The following DNAH11 variants were observed in gnomAD, a reference collection of about 807,000 sequenced individuals.
DNAH11 encodes axonemal beta dynein heavy chain 11.
DNAH11 carries 442 observed loss-of-function variants against 526.0 expected under a neutral mutation model. That is an observed-to-expected ratio of 0.84 (90% CI 0.78 to 0.91). The LOEUF is 0.91. Ranked by LOEUF, DNAH11 falls within the 40% of genes least tolerant of loss-of-function variation. DNAH11 has a pLI of 0.00. For synonymous variants in DNAH11, 2,461 were observed against 1,935.9 expected (o/e 1.27, Z -7.12); for missense variants, 6,989 against 5,448.7 (o/e 1.28, Z -8.90).
At chr7:21,546,979 C>G (rs970629893) in intron 2 of DNAH11, among the ~76,000 whole-genome samples, 1 of 152,184 alleles carries the variant, frequency 6.6e-6, no homozygotes, top group Non-Finnish European at 1.5e-5. Context: ...CACACTTGCT[C>G]TTTTATCTAT....
chr7:21,781,747 T>A (rs1382050298), intron 57 of DNAH11, among the ~76,000 whole-genome samples: 1 of 152,168 alleles, frequency 6.6e-6, no homozygotes, highest in African/African-American at 2.4e-5. Context: ...AAGGCTGCCA[T>A]GACAAAAATA....
chr7:21,891,539 C>G (rs1583817408), intron 76 of DNAH11, among the ~76,000 whole-genome samples: 1 of 152,160 alleles, frequency 6.6e-6, no homozygotes, highest in African/African-American at 2.4e-5. Context: ...GAGACTCAGG[C>G]TCATAAATTC....
In DNAH11 at chr7:21,789,800, TC is replaced by T. The variant is rs1366237370; in HGVS notation, c.10026+459del. The stretch of plus-strand genomic sequence containing the variant: ...TTCTTTCTTTCTTTCTTTCTTTCTT[TC>T]TTTCTTTTTTCTTTCTTTCTTTCTT... On this transcript the variant is annotated intron_variant, in intron 61 of 81. Transcript: ENST00000409508. Among the ~76,000 whole-genome samples, 253 of 66,960 alleles carry T rather than the reference TC, an allele frequency of 3.8e-3. 1 individual carries two copies. The highest frequency in any genetic ancestry group is 6.6e-3 in the African/African-American group (130 of 19,724). 43.9% of individuals were successfully genotyped at this position (66,960 alleles called of 152,430 possible).
In DNAH11 at chr7:21,660,266, A is replaced by C. The variant is rs536279326; in HGVS notation, c.5328+1235A>C. ...TGATATTTATGCTTTTATTATGACC[A>C]TTTTCATTATGCATATAAGTAAGGA... On this transcript the variant is annotated intron_variant, in intron 30 of 81. Coordinates refer to ENST00000409508, the MANE Select transcript of DNAH11 (RefSeq NM_001277115.2). Among the ~76,000 whole-genome samples, 5 of 152,160 alleles carry C rather than the reference A, an allele frequency of 3.3e-5. No homozygotes were observed. In the East Asian group the frequency reaches 9.7e-4, roughly 29 times the overall value.
In DNAH11 at chr7:21,873,497, A is replaced by G; in HGVS notation, c.12191A>G (p.Asp4064Gly). 1 of 1,613,852 alleles carries G rather than the reference A, an allele frequency of 6.2e-7. No individual in the cohort carries two copies. Reference sequence around the variant, plus strand: ...TTGCATGCCGCCCTGTACAACTTTGATCAGGTAAGAAAGCGAAGCAGGCTA... The same window carrying G: ...TTGCATGCCGCCCTGTACAACTTTGGTCAGGTAAGAAAGCGAAGCAGGCTA... The part of the protein sequence containing the change: ...ANLHAALYNF[D>G]QDTLEICSKE... Residue 4064 changes from aspartate to glycine, a missense_variant, in exon 74 of 82, where the codon GAT becomes GGT. Transcript: ENST00000409508.
At chr7:21,859,248 G>T (rs1296327240) in intron 68 of DNAH11, among the ~76,000 whole-genome samples, 1 of 151,998 alleles carries the variant, frequency 6.6e-6, no homozygotes, top group African/African-American at 2.4e-5. Flanking sequence ...CAAGTAACTG[G>T]GACTACAGGC....
intron 68 of DNAH11, among the ~76,000 whole-genome samples, chr7:21,857,578 A>G (rs185503773): frequency 3.9e-5 from 6 of 152,204 alleles, no homozygotes; most frequent in Non-Finnish European, 8.8e-5. Flanking sequence ...TCTGATTTTA[A>G]GACTTAAATC....
intron 56 of DNAH11, 146 bp from the exon 57 acceptor site, chr7:21,778,812 A>G: frequency 1.1e-6 from 1 of 904,638 alleles, no homozygotes; most frequent in Non-Finnish European, 1.6e-6. Context: ...GCATTTTTGC[A>G]AATCAGAAGA....
intron 73 of DNAH11, among the ~76,000 whole-genome samples, chr7:21,872,132 A>AAAAAAAAAAAAAAAAAC (rs1783521357): frequency 7.0e-6 from 1 of 142,576 alleles, no homozygotes; most frequent in Non-Finnish European, 1.5e-5. Context: ...TCAAAAAAAA[A>AAAAAAAAAAAAAAAAAC]AAAAAAAAAA....
intron 28 of DNAH11, among the ~76,000 whole-genome samples, chr7:21,647,129 CAAA>C (rs1237085524): frequency 3.3e-5 from 5 of 152,070 alleles, no homozygotes; most frequent in African/African-American, 1.2e-4. Context: ...TAGGACTTCC[CAAA>C]GTGCGGAACA....
chr7:21,808,873 G>A (rs745477744), intron 63 of DNAH11, among the ~76,000 whole-genome samples: 1 of 152,122 alleles, frequency 6.6e-6, no homozygotes, highest in Non-Finnish European at 1.5e-5. Flanking sequence ...TTGACATACT[G>A]ATTTCCTTTC....
intron 20 of DNAH11, among the ~76,000 whole-genome samples, chr7:21,607,695 T>C (rs1174490552): frequency 6.6e-6 from 1 of 151,814 alleles, no homozygotes; most frequent in Non-Finnish European, 1.5e-5. Context: ...CACTTTGGGA[T>C]TCGAGGTGGG....
chr7:21,616,587 T>A (rs991953980), intron 22 of DNAH11, among the ~76,000 whole-genome samples: 4 of 152,080 alleles, frequency 2.6e-5, no homozygotes, highest in Admixed American at 2.0e-4. Context: ...GGCCAAGGGG[T>A]CAGGCTTCTG....
chr7:21,779,566 C>T (rs1787848496), intron 57 of DNAH11, among the ~76,000 whole-genome samples: 1 of 152,094 alleles, frequency 6.6e-6, no homozygotes, highest in Admixed American at 6.6e-5. Context: ...TAAATTTGTT[C>T]TTTTTGATTC....
At chr7:21,708,895 A>G (rs1784365675) in intron 40 of DNAH11, among the ~76,000 whole-genome samples, 1 of 152,230 alleles carries the variant, frequency 6.6e-6, no homozygotes, top group African/African-American at 2.4e-5. Flanking sequence ...ATGAGATAGA[A>G]TCTCATACCA....
chr7:21,848,334 A>C (rs1583768453), intron 66 of DNAH11, among the ~76,000 whole-genome samples: 3 of 148,762 alleles, frequency 2.0e-5, no homozygotes, highest in Admixed American at 6.7e-5. Flanking sequence ...ATCTTTCTCC[A>C]TCTCTCTCTC....
At position 21,681,555 on chromosome 7, in the gene DNAH11, C is replaced by T; in HGVS notation, c.5338C>T (p.Leu1780=). The change falls in exon 31 of 82, where the codon CTG becomes TTG. Residue 1780 remains leucine, a synonymous_variant. Transcript: ENST00000409508. ...KDFHKKQISQ[L]NTLITLLLGE... The stretch of plus-strand genomic sequence containing the variant: ...AAATGATTCCTTCTAGATTTCTCAG[C>T]TGAATACACTGATTACACTTTTGCT... The T allele has an allele frequency of 1.2e-6, 2 of 1,613,724 alleles. No individual in the cohort carries two copies. The highest frequency in any genetic ancestry group is 1.7e-6 in the Non-Finnish European group (2 of 1,179,674).
chr7:21,826,197 A>G (rs1028037357), intron 65 of DNAH11, among the ~76,000 whole-genome samples: 4 of 152,210 alleles, frequency 2.6e-5, no homozygotes, highest in Non-Finnish European at 1.5e-5. Flanking sequence ...TTTTGAATAA[A>G]TTTTGATATT....
intron 28 of DNAH11, among the ~76,000 whole-genome samples, chr7:21,647,299 A>C (rs1787398013): frequency 6.6e-6 from 1 of 152,172 alleles, no homozygotes; most frequent in Non-Finnish European, 1.5e-5. Context: ...TGGTCAAAAC[A>C]ATATAGAAGT....
Sources: gnomAD v4.1 joint callset for allele counts (sites outside exome capture counted in the v4.1 genomes callset) on GRCh38, gnomAD v4.1.1 for gene constraint, MANE v1.5 for transcripts, NCBI Gene and HGNC (gene_info 2026-07-23, HGNC 2026-07-21) for gene names.